The following NRG4 variants were observed in gnomAD, a reference collection of about 807,000 sequenced individuals.
The protein encoded by NRG4 is neuregulin 4.
In NRG4, 10 loss-of-function variants were observed where a neutral mutation model predicts 15.0. That is an observed-to-expected ratio of 0.67 (90% confidence interval 0.41 to 1.13). The LOEUF (loss-of-function observed/expected upper bound fraction) is 1.13, where lower values mean the gene tolerates loss of function less well. Ranked by LOEUF, NRG4 falls within the 50% of genes most tolerant of loss-of-function variation. NRG4 has a pLI of 0.00. For missense variants in NRG4, 139 were observed against 140.2 expected (o/e 0.99, Z 0.04); for synonymous variants, 41 against 50.1 (o/e 0.82, Z 0.77).
In NRG4 at chr15:75,977,590, T is replaced by C. The variant is rs572413341; in HGVS notation, c.105-15616A>G. On this transcript the variant is annotated intron_variant, in intron 3 of 5. Transcript: ENST00000394907. The surrounding 1 kb of genome is among the most constrained non-coding windows in gnomAD (Gnocchi z 4.9). ...AGGGAATTCCCCCAACCCTTGTGCT[T>C]CCTGGGTGAGGTGACACCCCACCCT... Among the ~76,000 whole-genome samples, 1 of 152,138 alleles carries C rather than the reference T, an allele frequency of 6.6e-6. No individual in the cohort carries two copies. Among genetic ancestry groups the C allele is most frequent in the East Asian group, 1.9e-4 (1 of 5,164 alleles).
chr15:76,035,044 C>A (rs759827748), intron 5 of NRG4, among the ~76,000 whole-genome samples: 4 of 152,208 alleles, frequency 2.6e-5, no homozygotes, highest in Non-Finnish European at 5.9e-5. Flanking sequence ...AAATGCCTTG[C>A]GGTCACATAA....
At chr15:75,969,284 T>C (rs2032981044) in intron 3 of NRG4, 1 of 452,290 alleles carries the variant, frequency 2.2e-6, no homozygotes, top group Non-Finnish European at 4.4e-6. Flanking sequence ...CTCTGCGTGG[T>C]ATTCCTACAT....
At chr15:76,029,082 A>G (rs1438468983) in intron 5 of NRG4, among the ~76,000 whole-genome samples, 1 of 152,148 alleles carries the variant, frequency 6.6e-6, no homozygotes, top group Non-Finnish European at 1.5e-5. Flanking sequence ...TCCAAAATAC[A>G]TAAAAAAGAT....
chr15:75,955,122 A>G (rs980623401), intron 5 of NRG4, among the ~76,000 whole-genome samples: 1 of 152,034 alleles, frequency 6.6e-6, no homozygotes, highest in Non-Finnish European at 1.5e-5. Context: ...TTTTCCTCCC[A>G]CACATGCCCT....
chr15:76,007,427 CT>C (rs61259541), intron 3 of NRG4, among the ~76,000 whole-genome samples: 4,420 of 133,488 alleles, frequency 0.033, 53 homozygotes, highest in African/African-American at 0.082. Context: ...ATTAAACGCA[CT>C]TTTTTTTTTT....
chr15:76,058,181 T>G (rs910803759), intron 1 of NRG4, among the ~76,000 whole-genome samples: 1 of 152,192 alleles, frequency 6.6e-6, no homozygotes, highest in African/African-American at 2.4e-5. Context: ...TCACTGACTG[T>G]CAGAAAACTA....
At chr15:75,958,138 G>A (rs1362546095) in intron 4 of NRG4, among the ~76,000 whole-genome samples, 3 of 151,908 alleles carry the variant, frequency 2.0e-5, no homozygotes, top group Admixed American at 6.6e-5. Flanking sequence ...TCAGCCTCAC[G>A]AGTAGCTGGG....
Position 75,944,965 on chromosome 15 carries a change from T to A in NRG4, c.332-1311A>T, listed in dbSNP as rs1262560232. Among the ~76,000 whole-genome samples, 11 of 152,156 alleles carry A rather than the reference T, an allele frequency of 7.2e-5. No individual in the cohort carries two copies. The East Asian group carries it at 1.2e-3, about 16-fold the overall frequency. On this transcript the variant is annotated intron_variant, in intron 5 of 5. Transcript: ENST00000394907. ...ATACTTTTTTTAATACTTTTTTTTTTAACAAGTATGTCTTTATAAAGTCAA... is the reference window on the plus strand; with the variant it reads ...ATACTTTTTTTAATACTTTTTTTTTAAACAAGTATGTCTTTATAAAGTCAA...
At chr15:75,975,118 C>T (rs2033304923) in intron 3 of NRG4, among the ~76,000 whole-genome samples, 1 of 152,082 alleles carries the variant, frequency 6.6e-6, no homozygotes, top group Admixed American at 6.6e-5. Context: ...CCTTCTTTGC[C>T]TCTTTTGATC....
At chr15:76,052,231 C>A (rs187430089) in intron 3 of NRG4, 1 of 150,706 alleles carries the variant, frequency 6.6e-6, no homozygotes, top group Non-Finnish European at 1.5e-5. Flanking sequence ...TAGTAATACA[C>A]GAAGAGAAGG....
Position 75,994,567 on chromosome 15 carries a change from T to C in NRG4, c.104+14633A>G, listed in dbSNP as rs139967761. Reference sequence around the variant, plus strand: ...GTTTATACTTGTGCAGAGTTTATTATTTGTAAAAAGGAGGTATATGCGTAT... The same window carrying C: ...GTTTATACTTGTGCAGAGTTTATTACTTGTAAAAAGGAGGTATATGCGTAT... On this transcript the variant is annotated intron_variant, in intron 3 of 5. Coordinates refer to ENST00000394907, the MANE Select transcript of NRG4 (RefSeq NM_138573.4). Among the ~76,000 whole-genome samples the C allele has an allele frequency of 2.8e-3, 424 of 152,352 alleles. 2 individuals carry two copies. Among genetic ancestry groups the C allele is most frequent in the African/African-American group, 9.8e-3 (406 of 41,578 alleles).
At chr15:75,988,816 A>G (rs1191164599) in intron 3 of NRG4, among the ~76,000 whole-genome samples, 2 of 149,704 alleles carry the variant, frequency 1.3e-5, no homozygotes, top group African/African-American at 2.5e-5. Context: ...TTTATCCCAC[A>G]GGGTGGCAAA....
chr15:76,009,395 A>T, intron 2 of NRG4, 102 bp from the exon 3 acceptor site: 1 of 560,462 alleles, frequency 1.8e-6, no homozygotes. Flanking sequence ...GCAATTCTGA[A>T]AATCAGAATG....
chr15:75,958,925 A>C (rs2032375635), intron 4 of NRG4: 1 of 184,220 alleles, frequency 5.4e-6, no homozygotes, highest in African/African-American at 2.4e-5. Context: ...ATGGGTTGGC[A>C]AAGGAATTTC....
chr15:76,024,356 C>T (rs1375449501), intron 5 of NRG4, among the ~76,000 whole-genome samples: 1 of 152,216 alleles, frequency 6.6e-6, no homozygotes, highest in African/African-American at 2.4e-5. Context: ...AGAAGCCACC[C>T]ACGTCCTAGG....
At chr15:75,955,837 T>C (rs1342604553) in intron 5 of NRG4, 95 bp downstream of exon 5, 6 of 710,660 alleles carry the variant, frequency 8.4e-6, no homozygotes, top group Non-Finnish European at 1.4e-5. Context: ...GCTCAACCTT[T>C]TTTTTCTGGA....
intron 5 of NRG4, among the ~76,000 whole-genome samples, chr15:76,018,788 C>T (rs762253255): frequency 1.8e-4 from 28 of 152,262 alleles, no homozygotes; most frequent in Admixed American, 5.9e-4. Context: ...GGTGTCTCCC[C>T]GTCAGGAGAC....
chr15:76,043,831 G>A (rs1263302464), intron 4 of NRG4, among the ~76,000 whole-genome samples: 3 of 152,120 alleles, frequency 2.0e-5, no homozygotes, highest in Admixed American at 6.5e-5. Flanking sequence ...AATAGCCAAA[G>A]CTATGCTAAG....
At chr15:76,024,078 C>A (rs1047100861) in intron 5 of NRG4, among the ~76,000 whole-genome samples, 1 of 152,220 alleles carries the variant, frequency 6.6e-6, no homozygotes, top group African/African-American at 2.4e-5. Flanking sequence ...TGCCTGCAAT[C>A]AGAGCCTGAG....
Sources: allele counts gnomAD v4.1 joint callset (sites outside exome capture counted in the v4.1 genomes callset), GRCh38; gene constraint gnomAD v4.1.1; non-coding constraint Gnocchi (gnomAD v3.1); transcripts MANE v1.5; gene names NCBI Gene and HGNC (gene_info 2026-07-23, HGNC 2026-07-21).